Variants in VAT1L observed in about 807,000 individuals in gnomAD.
The protein encoded by VAT1L is vesicle amine transport 1 like.
VAT1L carries 34 observed loss-of-function variants against 44.1 expected under a neutral mutation model. That is an observed-to-expected ratio of 0.77 (90% confidence interval 0.59 to 1.03). The LOEUF is 1.03. Ranked by LOEUF, VAT1L falls within the 50% of genes least tolerant of loss-of-function variation. The pLI, the probability that VAT1L is intolerant of heterozygous loss-of-function variation, is 0.00. For missense variants in VAT1L, 615 were observed against 538.8 expected, an observed-to-expected ratio of 1.14 and a Z score of -1.40; for synonymous variants, 253 against 202.2, an observed-to-expected ratio of 1.25 and a Z score of -2.13.
intron 7 of VAT1L, among the ~76,000 whole-genome samples, chr16:77,930,850 C>G (rs1270131394): frequency 6.6e-6 from 1 of 152,158 alleles, no homozygotes; most frequent in Non-Finnish European, 1.5e-5. Flanking sequence ...GCAGGCTGTT[C>G]TCTTGACACT....
chr16:77,860,959 G>GA (rs1284086429), intron 3 of VAT1L, among the ~76,000 whole-genome samples: 1 of 152,176 alleles, frequency 6.6e-6, no homozygotes, highest in Admixed American at 6.5e-5. Flanking sequence ...GAAACCAGGA[G>GA]ACCTTACTTT....
intron 1 of VAT1L, among the ~76,000 whole-genome samples, chr16:77,805,672 G>C (rs1314449686): frequency 2.6e-5 from 4 of 151,056 alleles, no homozygotes; most frequent in Non-Finnish European, 4.4e-5. Context: ...GGCTGGTAAA[G>C]CTTTCTATTG....
rs1597128016 is a variant in VAT1L at position 77,971,778 on chromosome 16, T to G, written c.1078-72T>G. 4.7e-6 allele frequency: 7 copies of G among 1,505,038 alleles called. No individual in the cohort carries two copies. The East Asian group carries it at 1.6e-4, about 35-fold the overall frequency. The allele number at this position is 1,505,038 out of a possible 1,614,324, so 93.2% of individuals were successfully genotyped here. On this transcript the variant is annotated intron_variant, in intron 7 of 8. Transcript: ENST00000302536. ...CTGGTGGTCACTTGACAGTTTGAGT[T>G]CTCCAGGCCCCCTTTTTAACTGGGG...
chr16:77,794,027 T>C (rs994806648), intron 1 of VAT1L, among the ~76,000 whole-genome samples: 5 of 152,148 alleles, frequency 3.3e-5, no homozygotes, highest in Non-Finnish European at 5.9e-5. Context: ...GATCACAGAC[T>C]GCTAAGTGGA....
intron 7 of VAT1L, among the ~76,000 whole-genome samples, chr16:77,941,436 C>T (rs951392345): frequency 6.6e-6 from 1 of 152,126 alleles, no homozygotes. Context: ...TGTAAATCTT[C>T]CCACCATGGC....
At chr16:77,838,145 A>G (rs1481297974) in intron 3 of VAT1L, among the ~76,000 whole-genome samples, 3 of 152,192 alleles carry the variant, frequency 2.0e-5, no homozygotes, top group Non-Finnish European at 4.4e-5. Context: ...ATTTAGCTCT[A>G]TAGTTCTGGC....
intron 7 of VAT1L, among the ~76,000 whole-genome samples, chr16:77,887,094 G>C (rs904990589): frequency 3.1e-4 from 47 of 152,262 alleles, no homozygotes; most frequent in Non-Finnish European, 5.0e-4. Context: ...GGTATCATTG[G>C]AGCTGGAACA....
At chr16:77,912,797 C>T (rs547116140) in intron 7 of VAT1L, among the ~76,000 whole-genome samples, 5 of 152,216 alleles carry the variant, frequency 3.3e-5, no homozygotes, top group Admixed American at 1.3e-4. Context: ...TCTGGAGGCT[C>T]GCAAGTTCAA....
chr16:77,953,683 T>G (rs935095573), intron 7 of VAT1L, among the ~76,000 whole-genome samples: 2 of 152,042 alleles, frequency 1.3e-5, no homozygotes, highest in African/African-American at 4.8e-5. Flanking sequence ...TGCCACCACA[T>G]CCAACTGTCT....
At chr16:77,918,548 C>T (rs747587155) in intron 7 of VAT1L, among the ~76,000 whole-genome samples, 4 of 152,088 alleles carry the variant, frequency 2.6e-5, no homozygotes, top group Non-Finnish European at 4.4e-5. Flanking sequence ...CTCCTCATGT[C>T]GCTGTGATCA....
At chr16:77,918,005 G>A (rs1451977614) in intron 7 of VAT1L, among the ~76,000 whole-genome samples, 2 of 152,150 alleles carry the variant, frequency 1.3e-5, no homozygotes, top group Non-Finnish European at 2.9e-5. Flanking sequence ...CAACTAGGCA[G>A]GGAAATAGGG....
intron 4 of VAT1L, among the ~76,000 whole-genome samples, chr16:77,875,896 C>T (rs1333782429): frequency 6.6e-6 from 1 of 152,208 alleles, no homozygotes; most frequent in Non-Finnish European, 1.5e-5. Context: ...ACAGGGAGAA[C>T]ACTGGTTTGG....
chr16:77,918,363 G>A (rs1018525956), intron 7 of VAT1L, among the ~76,000 whole-genome samples: 1 of 152,140 alleles, frequency 6.6e-6, no homozygotes, highest in Non-Finnish European at 1.5e-5. Flanking sequence ...TCCTCAGCAG[G>A]CACATATTCA....
At chr16:77,919,413 C>T (rs528441738) in intron 7 of VAT1L, among the ~76,000 whole-genome samples, 55 of 152,168 alleles carry the variant, frequency 3.6e-4, no homozygotes, top group Non-Finnish European at 6.5e-4. Flanking sequence ...TGTTCAGCAA[C>T]AGTGTTGCCA....
chr16:77,835,805 G>A (rs1240752694), intron 3 of VAT1L, among the ~76,000 whole-genome samples: 5 of 152,130 alleles, frequency 3.3e-5, no homozygotes, highest in East Asian at 3.9e-4. Flanking sequence ...CCCCGGAGGC[G>A]GAGGTCACAG....
In VAT1L at chr16:77,855,021, G is replaced by A. The variant is rs142793598; in HGVS notation, c.580-7727G>A. On this transcript the variant is annotated intron_variant, in intron 3 of 8. Coordinates refer to ENST00000302536, the MANE Select transcript of VAT1L (RefSeq NM_020927.3). ...ATCTTAGAACTGAAGAGACCACAGA[G>A]ATCATTAAGTCCAAGTTCCCATTTT... 2.6e-3 allele frequency among the ~76,000 whole-genome samples: 391 copies of A among 152,222 alleles called. 1 individual carries two copies. The highest frequency in any genetic ancestry group is 2.1e-3 in the Non-Finnish European group (146 of 68,030).
intron 4 of VAT1L, among the ~76,000 whole-genome samples, chr16:77,875,808 C>T (rs1191260212): frequency 2.0e-5 from 3 of 152,114 alleles, no homozygotes; most frequent in African/African-American, 4.8e-5. Context: ...GTTAGACTAA[C>T]GTGCTTTATG....
chr16:77,904,528 TTCTTA>T (rs2017420147), intron 7 of VAT1L, among the ~76,000 whole-genome samples: 1 of 152,196 alleles, frequency 6.6e-6, no homozygotes, highest in Non-Finnish European at 1.5e-5. Flanking sequence ...GTGGAGTCTC[TTCTTA>T]TAAGGGCACT....
chr16:77,896,187 G>A (rs115930833), intron 7 of VAT1L, among the ~76,000 whole-genome samples: 1,912 of 152,292 alleles, frequency 0.013, 43 homozygotes, highest in African/African-American at 0.043. Context: ...GAGCCTCCCT[G>A]CCTTTGTTCC....
Sources: gnomAD v4.1 joint callset for allele counts (sites outside exome capture counted in the v4.1 genomes callset) on GRCh38, gnomAD v4.1.1 for gene constraint, MANE v1.5 for transcripts, NCBI Gene and HGNC (gene_info 2026-07-23, HGNC 2026-07-21) for gene names.